Variants in CDH13 observed in about 807,000 individuals in gnomAD.
CDH13 encodes cadherin-13.
Under a neutral mutation model 63.8 loss-of-function variants are expected in CDH13, and 24 were observed. That is an observed-to-expected ratio of 0.38 (90% CI 0.27 to 0.53). The LOEUF is 0.53. Among genes scored for constraint, CDH13 ranks in the 20% least tolerant of loss-of-function variants. The pLI, the probability that CDH13 is intolerant of heterozygous loss-of-function variation, is 0.85. For synonymous variants in CDH13, 503 were observed against 355.3 expected, an observed-to-expected ratio of 1.42 and a Z score of -4.67; for missense variants, 1,049 against 903.1, an observed-to-expected ratio of 1.16 and a Z score of -2.07.
intron 6 of CDH13, among the ~76,000 whole-genome samples, chr16:83,398,702 C>T (rs2091923970): frequency 1.3e-5 from 2 of 152,114 alleles, no homozygotes; most frequent in South Asian, 2.1e-4. Flanking sequence ...CTAAAAGTTG[C>T]TCAGAGGTTG....
intron 5 of CDH13, among the ~76,000 whole-genome samples, chr16:83,325,938 C>G (rs1383160876): frequency 1.3e-5 from 2 of 152,062 alleles, no homozygotes; most frequent in South Asian, 2.1e-4. Context: ...CATCCAGCAT[C>G]AAATATGTGA....
intron 2 of CDH13, among the ~76,000 whole-genome samples, chr16:83,000,253 TTTTTTTTTTTTG>T: frequency 9.1e-6 from 1 of 109,432 alleles, no homozygotes; most frequent in Admixed American, 9.7e-5. Context: ...TTTTTTTTTT[TTTTTTTTTTTTG>T]AGACAGAGTT....
chr16:82,761,045 T>C (rs1167197162), intron 1 of CDH13, among the ~76,000 whole-genome samples: 1 of 117,360 alleles, frequency 8.5e-6, no homozygotes, highest in African/African-American at 3.6e-5. Context: ...TTTTTTTTTT[T>C]TGGAGTCTCA....
At chr16:82,754,322 G>A (rs2034532439) in intron 1 of CDH13, among the ~76,000 whole-genome samples, 1 of 152,024 alleles carries the variant, frequency 6.6e-6, no homozygotes. Flanking sequence ...AATGATTGTT[G>A]AAAAAATGAA....
intron 2 of CDH13, among the ~76,000 whole-genome samples, chr16:83,029,504 G>T (rs867942816): frequency 1.3e-5 from 2 of 152,122 alleles, no homozygotes; most frequent in Non-Finnish European, 2.9e-5. Context: ...TAGTAACCTG[G>T]ATACTATACA....
chr16:82,850,596 GA>G (rs957900414), intron 1 of CDH13, among the ~76,000 whole-genome samples: 2 of 151,858 alleles, frequency 1.3e-5, no homozygotes, highest in African/African-American at 4.8e-5. Context: ...TTTCTATTTT[GA>G]AAAAAAAGTT....
At chr16:83,074,057 C>A (rs527405990) in intron 3 of CDH13, among the ~76,000 whole-genome samples, 1 of 152,122 alleles carries the variant, frequency 6.6e-6, no homozygotes, top group Non-Finnish European at 1.5e-5. Flanking sequence ...GCTGTAGTCA[C>A]CGTACTTTAC....
At chr16:82,664,577 C>G (rs892547613) in intron 1 of CDH13, among the ~76,000 whole-genome samples, 2 of 152,218 alleles carry the variant, frequency 1.3e-5, no homozygotes, top group Non-Finnish European at 2.9e-5. Context: ...GGAGCCTTTA[C>G]ATTTGATGAC....
chr16:83,491,011 T>G (rs906552647), intron 7 of CDH13, among the ~76,000 whole-genome samples: 3 of 152,162 alleles, frequency 2.0e-5, no homozygotes, highest in Non-Finnish European at 4.4e-5. Context: ...GGTGGATGAG[T>G]GGATGACCTG....
At chr16:82,692,395 T>C (rs944295107) in intron 1 of CDH13, among the ~76,000 whole-genome samples, 8 of 152,196 alleles carry the variant, frequency 5.3e-5, no homozygotes, top group South Asian at 4.1e-4. Context: ...TTCACAATCA[T>C]GGTGGAAGGC....
At chr16:82,994,992 A>G (rs1912045824) in intron 2 of CDH13, among the ~76,000 whole-genome samples, 1 of 152,176 alleles carries the variant, frequency 6.6e-6, no homozygotes. Context: ...TTGATCCTGT[A>G]GGATTATCCT....
At chr16:82,871,480 G>A (rs1420827544) in intron 2 of CDH13, among the ~76,000 whole-genome samples, 1 of 152,132 alleles carries the variant, frequency 6.6e-6, no homozygotes, top group Non-Finnish European at 1.5e-5. Context: ...AGATCCAAGG[G>A]TTGACACTAA....
intron 7 of CDH13, among the ~76,000 whole-genome samples, chr16:83,585,368 G>T (rs982316188): frequency 2.6e-5 from 4 of 152,196 alleles, no homozygotes; most frequent in African/African-American, 7.2e-5. Flanking sequence ...GTGAGAGTCT[G>T]TTTGGAGAAG....
chr16:82,913,376 T>G (rs1344841751), intron 2 of CDH13, among the ~76,000 whole-genome samples: 1 of 152,120 alleles, frequency 6.6e-6, no homozygotes, highest in African/African-American at 2.4e-5. Context: ...CAGGTGCATG[T>G]TTTACCTTGA....
At chr16:83,686,914 G>A (rs575490976) in intron 10 of CDH13, among the ~76,000 whole-genome samples, 2 of 152,242 alleles carry the variant, frequency 1.3e-5, no homozygotes, top group East Asian at 3.9e-4. Flanking sequence ...TCTGCATTAA[G>A]TAGACATGGG....
At chr16:82,638,833 CGTTTGTGT>C (rs1047478418) in intron 1 of CDH13, among the ~76,000 whole-genome samples, 30 of 50,904 alleles carry the variant, frequency 5.9e-4, no homozygotes, top group East Asian at 1.6e-3. Flanking sequence ...TGCGTGTGTG[CGTTTGTGT>C]GCATGCACGC....
chr16:83,674,607 C>G (rs1346578912), intron 9 of CDH13, among the ~76,000 whole-genome samples: 1 of 152,246 alleles, frequency 6.6e-6, no homozygotes, highest in Non-Finnish European at 1.5e-5. Context: ...GTTGGGCAGT[C>G]AAGCACAAGC....
At chr16:82,744,453 C>T (rs930793616) in intron 1 of CDH13, among the ~76,000 whole-genome samples, 10 of 151,974 alleles carry the variant, frequency 6.6e-5, no homozygotes, top group African/African-American at 2.4e-4. Context: ...TTTTTGAAAA[C>T]CAGGAGAGGA....
At position 82,627,119 on chromosome 16, in the gene CDH13, G is replaced by A; in HGVS notation, c.27G>A (p.Leu9=). Residue 9 remains leucine (L), a synonymous_variant, in exon 1 of 14, where the codon CTG becomes CTA. Transcript: ENST00000567109. MQPRTPLV[L]CVLLSQVLLL... ...TGCAGCCGAGAACTCCGCTCGTTCTGTGCGTTCTCCTGTCCCAGGTAGGGA... is the reference window on the plus strand; with the variant it reads ...TGCAGCCGAGAACTCCGCTCGTTCTATGCGTTCTCCTGTCCCAGGTAGGGA... 1.2e-6 allele frequency: 2 copies of A among 1,607,146 alleles called. No individual in the cohort carries two copies. The highest frequency in any genetic ancestry group is 1.7e-6 in the Non-Finnish European group (2 of 1,177,174).
Sources: gnomAD v4.1 joint callset for allele counts (sites outside exome capture counted in the v4.1 genomes callset) on GRCh38, gnomAD v4.1.1 for gene constraint, MANE v1.5 for transcripts, NCBI Gene and HGNC (gene_info 2026-07-23, HGNC 2026-07-21) for gene names.